SH3BGRL2: variants seen among roughly 807,000 people sequenced by gnomAD.
The protein encoded by SH3BGRL2 is SH3 domain binding glutamate rich protein like 2.
Under a neutral mutation model 14.8 loss-of-function variants are expected in SH3BGRL2, and 21 were observed. The observed-to-expected ratio is 1.42, with a 90% confidence interval of 1.01 to 2.05. The LOEUF (loss-of-function observed/expected upper bound fraction) is 2.05. Ranked by LOEUF, SH3BGRL2 falls within the 30% of genes most tolerant of loss-of-function variation. The pLI is 0.00. For synonymous variants in SH3BGRL2, 50 were observed against 47.8 expected, an observed-to-expected ratio of 1.05 and a Z score of -0.19; for missense variants, 147 against 130.8, an observed-to-expected ratio of 1.12 and a Z score of -0.61.
the SH3BGRL2 span, among the ~76,000 whole-genome samples, chr6:79,545,088 G>T: frequency 6.6e-6 from 1 of 152,110 alleles, no homozygotes; most frequent in Non-Finnish European, 1.5e-5. Flanking sequence ...TGCTGAAGTC[G>T]TCAAGCTTCT....
chr6:79,615,100 A>G, the SH3BGRL2 span, among the ~76,000 whole-genome samples: 1 of 152,184 alleles, frequency 6.6e-6, no homozygotes, highest in Non-Finnish European at 1.5e-5. Flanking sequence ...AACATCCTGC[A>G]GTGGACAATG....
chr6:79,698,370 A>G (rs764526769), intron 3 of SH3BGRL2, among the ~76,000 whole-genome samples: 1 of 152,210 alleles, frequency 6.6e-6, no homozygotes, highest in African/African-American at 2.4e-5. Context: ...CATACAGTCT[A>G]TAGTCTAAGG....
In SH3BGRL2 at chr6:79,645,928, GTTA is replaced by G. The variant is rs1769134498; in HGVS notation, c.45+14426_45+14428del. On this transcript the variant is annotated intron_variant, in intron 1 of 3. Coordinates refer to ENST00000369838, the MANE Select transcript of SH3BGRL2 (RefSeq NM_031469.4). ...GTAATCTCAAAACTGCTACTCTGAG[GTTA>G]TTAACTCTAGGGTAGAACTGCCTTG... Among the ~76,000 whole-genome samples the G allele has an allele frequency of 2.6e-5, 4 of 152,154 alleles. No individual in the cohort carries two copies. In the South Asian group the frequency reaches 8.3e-4, roughly 32 times the overall value.
At chr6:79,590,455 A>ATATATG in the SH3BGRL2 span, among the ~76,000 whole-genome samples, 1,917 of 116,098 alleles carry the variant, frequency 0.017, 114 homozygotes, top group East Asian at 0.12. Context: ...ATATATATAT[A>ATATATG]TATATATATG....
At chr6:79,653,825 G>A (rs1270998244) in intron 1 of SH3BGRL2, among the ~76,000 whole-genome samples, 1 of 152,190 alleles carries the variant, frequency 6.6e-6, no homozygotes, top group Non-Finnish European at 1.5e-5. Context: ...CTGGCTGTTG[G>A]CCAGGGTGAC....
At chr6:79,673,048 A>T (rs1296182253) in intron 1 of SH3BGRL2, among the ~76,000 whole-genome samples, 3 of 151,560 alleles carry the variant, frequency 2.0e-5, no homozygotes, top group African/African-American at 7.3e-5. Context: ...TCATGAATCA[A>T]TGAAATGTCA....
chr6:79,590,246 A>G, the SH3BGRL2 span, among the ~76,000 whole-genome samples: 7 of 152,026 alleles, frequency 4.6e-5, no homozygotes, highest in East Asian at 1.2e-3. Context: ...CAAAGAACTT[A>G]AAACAGAACT....
chr6:79,567,075 T>G, the SH3BGRL2 span, among the ~76,000 whole-genome samples: 1 of 152,164 alleles, frequency 6.6e-6, no homozygotes, highest in East Asian at 1.9e-4. Context: ...GGCTGTAATG[T>G]TTCATGTTTT....
the SH3BGRL2 span, among the ~76,000 whole-genome samples, chr6:79,582,057 AC>A: frequency 2.0e-5 from 3 of 152,190 alleles, no homozygotes; most frequent in African/African-American, 7.2e-5. Context: ...AGAATAAAAT[AC>A]CTAGGAATCC....
At chr6:79,550,269 A>T in the SH3BGRL2 span, among the ~76,000 whole-genome samples, 1 of 152,108 alleles carries the variant, frequency 6.6e-6, no homozygotes, top group Admixed American at 6.5e-5. Flanking sequence ...TTTTGCAGCT[A>T]CTGGTAACAG....
chr6:79,625,247 T>C, the SH3BGRL2 span, among the ~76,000 whole-genome samples: 32 of 150,382 alleles, frequency 2.1e-4, no homozygotes, highest in African/African-American at 5.6e-4. Context: ...CATATATATA[T>C]ACACACACAC....
chr6:79,555,797 C>T, the SH3BGRL2 span, among the ~76,000 whole-genome samples: 30 of 152,046 alleles, frequency 2.0e-4, no homozygotes, highest in Middle Eastern at 3.2e-3. Context: ...CGTGAGCCAC[C>T]GCGCCCGGCC....
intron 1 of SH3BGRL2, among the ~76,000 whole-genome samples, chr6:79,648,414 C>G (rs181220086): frequency 8.3e-4 from 123 of 148,372 alleles, no homozygotes; most frequent in African/African-American, 3.0e-3. Flanking sequence ...TTTCCTTTGC[C>G]TTATTGTGCT....
At chr6:79,619,540 T>A in the SH3BGRL2 span, among the ~76,000 whole-genome samples, 1 of 152,216 alleles carries the variant, frequency 6.6e-6, no homozygotes, top group Non-Finnish European at 1.5e-5. Context: ...TCATTGGTAT[T>A]TGAGGTTTCT....
At chr6:79,592,421 A>T in the SH3BGRL2 span, among the ~76,000 whole-genome samples, 1 of 152,216 alleles carries the variant, frequency 6.6e-6, no homozygotes, top group Non-Finnish European at 1.5e-5. Flanking sequence ...TGTGAGTGTG[A>T]TATGTATTAC....
chr6:79,599,458 G>A, the SH3BGRL2 span, among the ~76,000 whole-genome samples: 1 of 148,756 alleles, frequency 6.7e-6, no homozygotes, highest in Non-Finnish European at 1.5e-5. Flanking sequence ...TGCAACCTCC[G>A]CCTCCTGGGT....
the SH3BGRL2 span, among the ~76,000 whole-genome samples, chr6:79,622,527 C>G: frequency 6.6e-6 from 1 of 152,206 alleles, no homozygotes; most frequent in East Asian, 1.9e-4. Context: ...TCTCACACAA[C>G]CACTCACTCA....
At chr6:79,652,985 AC>A (rs1405563800) in intron 1 of SH3BGRL2, among the ~76,000 whole-genome samples, 2 of 152,158 alleles carry the variant, frequency 1.3e-5, no homozygotes, top group African/African-American at 4.8e-5. Flanking sequence ...ACCTTTCCCT[AC>A]CCTGTGTTAA....
chr6:79,660,571 G>A (rs1270746855), intron 1 of SH3BGRL2, among the ~76,000 whole-genome samples: 1 of 152,138 alleles, frequency 6.6e-6, no homozygotes, highest in Non-Finnish European at 1.5e-5. Context: ...TTGCATCGAT[G>A]TTCATCAGGG....
Sources: gnomAD v4.1 joint callset for allele counts (sites outside exome capture counted in the v4.1 genomes callset) on GRCh38, gnomAD v4.1.1 for gene constraint, MANE v1.5 for transcripts, NCBI Gene and HGNC (gene_info 2026-07-23, HGNC 2026-07-21) for gene names.